Variants in CA10 observed in about 807,000 individuals in gnomAD.
CA10 encodes carbonic anhydrase 10 (inactive), also known as carbonic anhydrase-related protein 10.
Under a neutral mutation model 44.2 loss-of-function variants are expected in CA10, and 14 were observed. The ratio of observed to expected loss-of-function variants is 0.32; its 90% CI spans 0.21 to 0.50. The LOEUF (loss-of-function observed/expected upper bound fraction) is 0.50, where lower values mean the gene tolerates loss of function less well. CA10 is among the 20% of genes least tolerant of loss of function. The probability of loss-of-function intolerance (pLI) is 0.99; values close to 1 mark genes in which losing one functional copy is unlikely to be tolerated. For missense variants in CA10, 350 were observed against 409.7 expected, an observed-to-expected ratio of 0.85 and a Z score of 1.26; for synonymous variants, 159 against 141.6, an observed-to-expected ratio of 1.12 and a Z score of -0.87.
chr17:51,959,282 CTGTGTGTG>C (rs71149386), intron 2 of CA10, among the ~76,000 whole-genome samples: 19,908 of 134,342 alleles, frequency 0.15, 1,763 homozygotes, highest in South Asian at 0.32. Context: ...CTCTCTCTCT[CTGTGTGTG>C]TGTGTGTGTG....
At chr17:51,793,539 G>A (rs1303660266) in intron 3 of CA10, among the ~76,000 whole-genome samples, 3 of 152,208 alleles carry the variant, frequency 2.0e-5, no homozygotes, top group East Asian at 3.8e-4. Context: ...ACCAGGTTTT[G>A]TCCTGTGTTG....
chr17:51,938,031 C>T (rs972349089), intron 2 of CA10, among the ~76,000 whole-genome samples: 4 of 152,144 alleles, frequency 2.6e-5, no homozygotes, highest in African/African-American at 7.2e-5. Flanking sequence ...TCCATCTTCT[C>T]ACTTCTCCAA....
chr17:51,639,482 A>AT (rs562922240), intron 6 of CA10, among the ~76,000 whole-genome samples: 108 of 152,236 alleles, frequency 7.1e-4, no homozygotes, highest in African/African-American at 2.5e-3. Context: ...GTCAAAGGTT[A>AT]TGCTCAGGGA....
intron 4 of CA10, among the ~76,000 whole-genome samples, chr17:51,733,202 A>T (rs1226044579): frequency 6.6e-6 from 1 of 152,166 alleles, no homozygotes; most frequent in Non-Finnish European, 1.5e-5. Context: ...TTTTTGTTGA[A>T]TTTTACTAAC....
At chr17:51,865,187 C>T (rs1376752882) in intron 3 of CA10, among the ~76,000 whole-genome samples, 1 of 152,154 alleles carries the variant, frequency 6.6e-6, no homozygotes, top group Non-Finnish European at 1.5e-5. Flanking sequence ...ATCTCACTTT[C>T]CTGCTTTATT....
chr17:52,097,670 A>G (rs182926077), intron 1 of CA10, among the ~76,000 whole-genome samples: 13 of 152,250 alleles, frequency 8.5e-5, no homozygotes, highest in African/African-American at 2.9e-4. Flanking sequence ...TTACTCATTT[A>G]TTCATTTCAG....
chr17:51,717,829 G>GTATATATATATATATATA (rs55932655), intron 4 of CA10, among the ~76,000 whole-genome samples: 1 of 7,920 alleles, frequency 1.3e-4, no homozygotes, highest in African/African-American at 3.4e-4. Flanking sequence ...ATATGTGTGT[G>GTATATATATATATATATA]TATATATATA....
At chr17:51,654,070 C>T (rs1371221538) in intron 4 of CA10, among the ~76,000 whole-genome samples, 1 of 152,196 alleles carries the variant, frequency 6.6e-6, no homozygotes, top group Non-Finnish European at 1.5e-5. Flanking sequence ...ACGGAACTGC[C>T]CTGTAGGGGT....
intron 2 of CA10, among the ~76,000 whole-genome samples, chr17:51,937,873 C>A (rs944002294): frequency 7.9e-5 from 12 of 152,182 alleles, no homozygotes; most frequent in Admixed American, 3.3e-4. Context: ...TTATTTTAAT[C>A]CTATTGCTTT....
intron 3 of CA10, among the ~76,000 whole-genome samples, chr17:51,924,216 G>T (rs1356700609): frequency 6.6e-6 from 1 of 152,174 alleles, no homozygotes; most frequent in African/African-American, 2.4e-5. Flanking sequence ...CAAGTGGGGT[G>T]AAGGGTATAT....
chr17:51,794,846 C>A (rs979015595), intron 3 of CA10, among the ~76,000 whole-genome samples: 16 of 152,186 alleles, frequency 1.1e-4, no homozygotes, highest in Non-Finnish European at 1.5e-5. Flanking sequence ...AGGCAAGATA[C>A]TTGAGGATTT....
chr17:51,825,341 C>T (rs7207481), intron 3 of CA10, among the ~76,000 whole-genome samples: 8,967 of 151,912 alleles, frequency 0.059, 742 homozygotes, highest in African/African-American at 0.19. Context: ...ATCTTTGTAA[C>T]ATTATTAAAA....
chr17:51,756,472 G>GGT (rs1555596051), intron 3 of CA10, among the ~76,000 whole-genome samples: 1 of 132,282 alleles, frequency 7.6e-6, no homozygotes, highest in African/African-American at 2.9e-5. Flanking sequence ...TGAGGTAGTT[G>GGT]TTTTTTTTTT....
At chr17:51,747,954 C>T (rs997716032) in intron 3 of CA10, 136 bp from the exon 4 acceptor site, 21 of 629,132 alleles carry the variant, frequency 3.3e-5, no homozygotes, top group East Asian at 1.1e-4. Context: ...TGGAGTAGGG[C>T]GTGGCAGCTG....
chr17:51,784,915 C>T (rs533006258), intron 3 of CA10, among the ~76,000 whole-genome samples: 6 of 152,310 alleles, frequency 3.9e-5, no homozygotes, highest in South Asian at 2.1e-4. Flanking sequence ...TGGACCACCC[C>T]GAAGTCCCCC....
At chr17:51,773,953 A>G (rs1261828286) in intron 3 of CA10, among the ~76,000 whole-genome samples, 1 of 152,176 alleles carries the variant, frequency 6.6e-6, no homozygotes, top group African/African-American at 2.4e-5. Context: ...AGAAACACAC[A>G]CCTGTATTAT....
chr17:51,825,693 A>G (rs972620314), intron 3 of CA10, among the ~76,000 whole-genome samples: 1 of 152,208 alleles, frequency 6.6e-6, no homozygotes, highest in African/African-American at 2.4e-5. Context: ...ATTACATACA[A>G]ACATAGTGTC....
chr17:52,079,715 G>A (rs1987915419), intron 1 of CA10, among the ~76,000 whole-genome samples: 1 of 152,136 alleles, frequency 6.6e-6, no homozygotes, highest in Admixed American at 6.5e-5. Context: ...CTTGACAGAT[G>A]GAAGAGTACC....
At chr17:52,081,103 A>C (rs1300543434) in intron 1 of CA10, among the ~76,000 whole-genome samples, 1 of 152,130 alleles carries the variant, frequency 6.6e-6, no homozygotes, top group Non-Finnish European at 1.5e-5. Flanking sequence ...TCCGGGAGGG[A>C]GACAGAGAAA....
Sources: gnomAD v4.1 joint callset for allele counts (sites outside exome capture counted in the v4.1 genomes callset) on GRCh38, gnomAD v4.1.1 for gene constraint, MANE v1.5 for transcripts, NCBI Gene and HGNC (gene_info 2026-07-23, HGNC 2026-07-21) for gene names.